Variants in OVOL2 observed in about 807,000 individuals in gnomAD.
OVOL2 encodes the protein transcription factor Ovo-like 2.
OVOL2 carries 13 observed loss-of-function variants against 18.1 expected under a neutral mutation model. That is an observed-to-expected ratio of 0.72 (90% CI 0.47 to 1.14). The LOEUF is 1.14. Ranked by LOEUF, OVOL2 falls within the 50% of genes most tolerant of loss-of-function variation. The pLI is 0.00. For missense variants in OVOL2, 335 were observed against 383.0 expected (o/e 0.87, Z 1.05); for synonymous variants, 166 against 162.7 (o/e 1.02, Z -0.16).
At chr20:18,050,115 T>C (rs1051445300) in intron 2 of OVOL2, among the ~76,000 whole-genome samples, 17 of 152,198 alleles carry the variant, frequency 1.1e-4, no homozygotes, top group African/African-American at 3.9e-4. Flanking sequence ...GTCGATCCTA[T>C]GGAAGGACTC....
At chr20:18,046,952 A>C (rs1024302617) in intron 2 of OVOL2, among the ~76,000 whole-genome samples, 1 of 152,186 alleles carries the variant, frequency 6.6e-6, no homozygotes, top group Non-Finnish European at 1.5e-5. Flanking sequence ...TCAAAAAAAA[A>C]AAAAACCTAG....
Position 18,056,200 on chromosome 20 carries a change from T to TG in OVOL2, c.321+456dup, listed in dbSNP as rs1202030361. On this transcript the variant is annotated intron_variant, in intron 2 of 3. Coordinates refer to ENST00000278780, the MANE Select transcript of OVOL2 (RefSeq NM_021220.4). The surrounding 1 kb of genome is among the most constrained non-coding windows in gnomAD (Gnocchi z 4.2). Reference sequence around the variant, plus strand: ...GCCGCCCAGGTCCAGAACATAAGCATGGGGGGTGAACTCTCAGAATCGCGG... The same window carrying TG: ...GCCGCCCAGGTCCAGAACATAAGCATGGGGGGGTGAACTCTCAGAATCGCGG... Among the ~76,000 whole-genome samples, 6 of 151,850 alleles carry TG rather than the reference T, an allele frequency of 4.0e-5. No homozygotes were observed. Among genetic ancestry groups the TG allele is most frequent in the South Asian group, 2.1e-4 (1 of 4,808 alleles).
rs770316359 is a variant in OVOL2, at chr20:18,024,661, A to G, written c.803T>C (p.Leu268Pro). The G allele has an allele frequency of 6.2e-7, 1 of 1,609,836 alleles. No homozygotes were observed. The highest frequency in any genetic ancestry group is 1.1e-5 in the South Asian group (1 of 90,744). ...TCACTTCCTCTCCTCCTCCTCACTC[A>G]GGCTGGTATTCTCCTGGTGTGCGGA... is the stretch of plus-strand genomic sequence containing the variant. ...LTSAHQENTSLSEEEERK is the reference protein window; with the variant it reads ...LTSAHQENTSPSEEEERK Residue 268 changes from leucine (L) to proline (P), a missense_variant, in exon 4 of 4, where the codon CTG becomes CCG. Transcript: ENST00000278780.
chr20:18,039,607 C>CAAAAAAAAAAAA (rs111619803), intron 3 of OVOL2, among the ~76,000 whole-genome samples: 125 of 86,818 alleles, frequency 1.4e-3, no homozygotes, highest in African/African-American at 4.5e-3. Context: ...GACGCTGTCT[C>CAAAAAAAAAAAA]AAAAAAAAAA....
At chr20:18,050,166 G>T (rs531612093) in intron 2 of OVOL2, among the ~76,000 whole-genome samples, 6 of 152,146 alleles carry the variant, frequency 3.9e-5, no homozygotes, top group Non-Finnish European at 8.8e-5. Flanking sequence ...TTCCTGCACC[G>T]CCGAAGCTAG....
At chr20:18,050,386 G>A (rs1005273432) in intron 2 of OVOL2, among the ~76,000 whole-genome samples, 3 of 152,224 alleles carry the variant, frequency 2.0e-5, no homozygotes, top group African/African-American at 7.2e-5. Context: ...TTGGGCAGCA[G>A]CTTCAGCTCC....
chr20:18,037,921 G>A (rs1286509703), intron 3 of OVOL2, among the ~76,000 whole-genome samples: 3 of 23,398 alleles, frequency 1.3e-4, no homozygotes, highest in Non-Finnish European at 2.6e-4. Flanking sequence ...TCCTTGTGTC[G>A]CGTCTGCTTC....
At chr20:18,040,590 C>T (rs764223722) in intron 3 of OVOL2, among the ~76,000 whole-genome samples, 14 of 152,060 alleles carry the variant, frequency 9.2e-5, no homozygotes, top group Non-Finnish European at 1.8e-4. Context: ...GGAGCTCAGG[C>T]GGGAAAGCAT....
chr20:18,054,982 G>A (rs569907555), intron 2 of OVOL2, among the ~76,000 whole-genome samples: 3 of 151,950 alleles, frequency 2.0e-5, no homozygotes, highest in Non-Finnish European at 4.4e-5. Context: ...CCTTTTTGGG[G>A]GTAGAGGCAG....
chr20:18,057,788 G>C lies in OVOL2; in HGVS notation c.-154C>G, dbSNP rs1181116780. ...CCACCCCCCGCCGCGGCGCGGCCCA[G>C]GCCTCTCCCCCGCACGCCTGGCGAC... On this transcript the variant is annotated 5_prime_UTR_variant, in exon 1 of 4. Coordinates refer to ENST00000278780, the MANE Select transcript of OVOL2 (RefSeq NM_021220.4). This position sits in a 1 kb window ranked among gnomAD's most constrained non-coding sequence, Gnocchi z 6.3. The C allele has an allele frequency of 7.2e-7, 1 of 1,390,596 alleles. No homozygotes were observed. The highest frequency in any genetic ancestry group is 9.3e-7 in the Non-Finnish European group (1 of 1,080,156). 86.1% of individuals were successfully genotyped at this position (1,390,596 alleles called of 1,614,324 possible).
At position 18,039,617 on chromosome 20, in the gene OVOL2, AAAAAAG is replaced by A. The variant is rs1251207283; in HGVS notation, c.511+1911_511+1916del. On this transcript the variant is annotated intron_variant, in intron 3 of 3. Transcript: ENST00000278780. ...AGCAAGACGCTGTCTCAAAAAAAAA[AAAAAAG>A]AAAGAAAGAAAGAAAGAAAAGAAAA... Among the ~76,000 whole-genome samples the A allele has an allele frequency of 6.7e-5, 10 of 150,102 alleles. No individual in the cohort carries two copies. The East Asian group carries it at 8.0e-4, about 12-fold the overall frequency.
Position 18,056,548 on chromosome 20 carries a change from C to A in OVOL2, c.321+109G>T. On this transcript the variant is annotated intron_variant, in intron 2 of 3. Coordinates refer to ENST00000278780, the MANE Select transcript of OVOL2 (RefSeq NM_021220.4). The surrounding 1 kb of genome is among the most constrained non-coding windows in gnomAD (Gnocchi z 4.2). The stretch of plus-strand genomic sequence containing the variant: ...AGCGGCGCGGCGGGCGCGCTCGGGG[C>A]GCGGGTGCCGGGTTGCGCAGGCGGG... The A allele has an allele frequency of 2.6e-6, 3 of 1,134,890 alleles. No homozygotes were observed. Among genetic ancestry groups the A allele is most frequent in the East Asian group, 8.9e-5 (2 of 22,392 alleles). The allele number at this position is 1,134,890 out of a possible 1,614,324, so 70.3% of individuals were successfully genotyped here. A position where few individuals can be genotyped will look rare whatever the true frequency, so the allele number is the denominator to read the frequency against.
chr20:18,058,510 C>A (rs751011472), upstream of OVOL2, among the ~76,000 whole-genome samples: 1 of 151,668 alleles, frequency 6.6e-6, no homozygotes, highest in African/African-American at 2.4e-5. Context: ...AGCCTTGCCC[C>A]GCCAAAGCAG....
chr20:18,031,299 C>A (rs780990283), intron 3 of OVOL2, among the ~76,000 whole-genome samples: 3 of 152,148 alleles, frequency 2.0e-5, no homozygotes, highest in Non-Finnish European at 4.4e-5. Flanking sequence ...GAGGATTAGC[C>A]GAGATAGACT....
rs201715143 is a variant in OVOL2 at position 18,041,754 on chromosome 20, C to T, written c.322-31G>A. 17 of 1,591,244 alleles carry T rather than the reference C, an allele frequency of 1.1e-5. No homozygotes were observed. In the Admixed American group the frequency reaches 2.0e-4, roughly 19 times the overall value. Reference sequence around the variant, plus strand: ...GGCAGAGAGAGGCCATGAGGGTCCCCGGGCAGGCAGGCACATCCAGTAGGC... The same window carrying T: ...GGCAGAGAGAGGCCATGAGGGTCCCTGGGCAGGCAGGCACATCCAGTAGGC... On this transcript the variant is annotated intron_variant, in intron 2 of 3. Transcript: ENST00000278780.
chr20:18,033,034 A>G (rs1238140695), intron 3 of OVOL2, among the ~76,000 whole-genome samples: 1 of 152,246 alleles, frequency 6.6e-6, no homozygotes, highest in Non-Finnish European at 1.5e-5. Flanking sequence ...GCAATTCCGC[A>G]TGACAGCATT....
At chr20:18,037,644 G>A (rs1189606269) in intron 3 of OVOL2, among the ~76,000 whole-genome samples, 1 of 152,228 alleles carries the variant, frequency 6.6e-6, no homozygotes, top group Non-Finnish European at 1.5e-5. Flanking sequence ...GCAAAGGGCT[G>A]GGGTGGGCAG....
chr20:18,042,456 T>C (rs1461713830), intron 2 of OVOL2, among the ~76,000 whole-genome samples: 2 of 151,968 alleles, frequency 1.3e-5, no homozygotes, highest in African/African-American at 4.8e-5. Context: ...CTTACTCTCA[T>C]CAGTTCATGG....
At chr20:18,037,089 TCGCGCCACCGCAC>T (rs1568634346) in intron 3 of OVOL2, among the ~76,000 whole-genome samples, 1 of 140,966 alleles carries the variant, frequency 7.1e-6, no homozygotes, top group Non-Finnish European at 1.5e-5. Flanking sequence ...TGAGCCGAGA[TCGCGCCACCGCAC>T]TCCAGCCTGG....
Sources: gnomAD v4.1 joint callset for allele counts (sites outside exome capture counted in the v4.1 genomes callset) on GRCh38, gnomAD v4.1.1 for gene constraint, Gnocchi (gnomAD v3.1) non-coding constraint, MANE v1.5 for transcripts, NCBI Gene and HGNC (gene_info 2026-07-23, HGNC 2026-07-21) for gene names.